Variants in LOC114841035 observed in about 807,000 individuals in gnomAD.
chr11:64,243,982 G>A, the LOC114841035 span: 1 of 1,613,904 alleles, frequency 6.2e-7, no homozygotes, highest in South Asian at 1.1e-5. Flanking sequence ...TGCAACCCTG[G>A]TGTTCGAGGT....
the LOC114841035 span, chr11:64,243,649 G>T: frequency 8.4e-7 from 1 of 1,193,192 alleles, no homozygotes; most frequent in Admixed American, 1.9e-5. Flanking sequence ...GTGAGTACAG[G>T]GCAAGATCAT....
chr11:64,244,018 A>G, the LOC114841035 span: 1 of 1,613,972 alleles, frequency 6.2e-7, no homozygotes, highest in Non-Finnish European at 8.5e-7. Flanking sequence ...AGAGCGACGA[A>G]CTGAGCTGTA....
At chr11:64,243,347 G>C in the LOC114841035 span, 1 of 1,598,012 alleles carries the variant, frequency 6.3e-7, no homozygotes. Context: ...GAGTGGGGGC[G>C]TGCATGGCCA....
the LOC114841035 span, chr11:64,243,690 G>A: frequency 1.6e-6 from 2 of 1,224,494 alleles, no homozygotes; most frequent in Admixed American, 1.9e-5. Flanking sequence ...GCCCCACTCT[G>A]CCCTTGCCAG....
chr11:64,243,249 G>A, the LOC114841035 span: 3 of 1,613,416 alleles, frequency 1.9e-6, no homozygotes, highest in Non-Finnish European at 2.5e-6. Flanking sequence ...CCCAGAACCA[G>A]CCCTTTGTCT....
chr11:64,242,406 CG>C, the LOC114841035 span: 1 of 1,544,104 alleles, frequency 6.5e-7, no homozygotes, highest in Non-Finnish European at 8.7e-7. Flanking sequence ...GAGCTGGTTC[CG>C]GGTCCTGACA....
At chr11:64,242,629 G>A in the LOC114841035 span, 1 of 1,470,546 alleles carries the variant, frequency 6.8e-7, no homozygotes. Context: ...TGGGAGTCTG[G>A]TTCTCCATAA....
chr11:64,243,109 T>C, the LOC114841035 span: 1 of 1,100,818 alleles, frequency 9.1e-7, no homozygotes, highest in Non-Finnish European at 1.3e-6. Context: ...TGGGTGGGCG[T>C]GGGGGGGCAG....
At chr11:64,243,029 G>A in the LOC114841035 span, among the ~76,000 whole-genome samples, 2 of 152,088 alleles carry the variant, frequency 1.3e-5, no homozygotes, top group Admixed American at 6.5e-5. Context: ...GCGAGATCAC[G>A]CCGCTGCACT....
chr11:64,243,107 C>T, the LOC114841035 span: 3 of 1,099,946 alleles, frequency 2.7e-6, no homozygotes, highest in Admixed American at 1.8e-5. Context: ...TGTGGGTGGG[C>T]GTGGGGGGGC....
chr11:64,242,260 A>C, the LOC114841035 span: 1 of 973,536 alleles, frequency 1.0e-6, no homozygotes, highest in Non-Finnish European at 1.4e-6. Flanking sequence ...GACCCGGGAC[A>C]AAGGGGATCC....
chr11:64,242,704 G>T, the LOC114841035 span: 5 of 902,162 alleles, frequency 5.5e-6, no homozygotes, highest in South Asian at 9.9e-5. Flanking sequence ...GTTCTGCCTT[G>T]CCCTTGCCTA....
At chr11:64,244,015 C>G in the LOC114841035 span, 1 of 1,613,778 alleles carries the variant, frequency 6.2e-7, no homozygotes, top group South Asian at 1.1e-5. Context: ...AATAGAGCGA[C>G]GAACTGAGCT....
At chr11:64,242,163 C>A in the LOC114841035 span, 1 of 478,540 alleles carries the variant, frequency 2.1e-6, no homozygotes, top group Non-Finnish European at 3.7e-6. Flanking sequence ...TCCCCTGACC[C>A]CCTCCCCCCG....
the LOC114841035 span, chr11:64,242,161 C>G: frequency 2.1e-6 from 1 of 473,916 alleles, no homozygotes. Context: ...CCTCCCCTGA[C>G]CCCCTCCCCC....
the LOC114841035 span, chr11:64,241,782 A>T: frequency 6.6e-6 from 1 of 152,360 alleles, no homozygotes; most frequent in Non-Finnish European, 1.5e-5. Flanking sequence ...CGGCCAGCAG[A>T]CACAGGGCCA....
the LOC114841035 span, chr11:64,244,127 G>T: frequency 7.4e-7 from 1 of 1,354,916 alleles, no homozygotes; most frequent in South Asian, 1.2e-5. Context: ...ACACTTAAAA[G>T]CCCAAGGAGT....
the LOC114841035 span, chr11:64,243,171 C>T: frequency 1.9e-6 from 3 of 1,606,738 alleles, no homozygotes; most frequent in African/African-American, 1.3e-5. Context: ...GTCCCCTCTT[C>T]CTCACTGGCC....
chr11:64,244,013 G>A, the LOC114841035 span: 8 of 1,613,744 alleles, frequency 5.0e-6, no homozygotes, highest in Non-Finnish European at 6.8e-6. Context: ...AAAATAGAGC[G>A]ACGAACTGAG....
Sources: gnomAD v4.1 joint callset for allele counts (sites outside exome capture counted in the v4.1 genomes callset) on GRCh38, gnomAD v4.1.1 for gene constraint, MANE v1.5 for transcripts.